Variants in ARHGAP20 observed in about 807,000 individuals in gnomAD.
The protein encoded by ARHGAP20 is Rho GTPase activating protein 20, also known as rho GTPase-activating protein 20.
In ARHGAP20, 34 loss-of-function variants were observed where a neutral mutation model predicts 73.7. The ratio of observed to expected loss-of-function variants is 0.46; its 90% CI spans 0.35 to 0.61. The LOEUF (loss-of-function observed/expected upper bound fraction) is 0.61, where lower values mean the gene tolerates loss of function less well. Among genes scored for constraint, ARHGAP20 ranks in the 20% least tolerant of loss-of-function variants. The pLI is 0.00. For missense variants in ARHGAP20, 1,314 were observed against 1,420.9 expected (o/e 0.92, Z 1.21); for synonymous variants, 523 against 518.2 (o/e 1.01, Z -0.13).
At chr11:110,672,148 A>T (rs2135070430) in intron 2 of ARHGAP20, among the ~76,000 whole-genome samples, 1 of 152,342 alleles carries the variant, frequency 6.6e-6, no homozygotes, top group African/African-American at 2.4e-5. Context: ...TTACAGCTTT[A>T]TAGAAAAAAA....
intron 2 of ARHGAP20, among the ~76,000 whole-genome samples, chr11:110,688,264 G>T (rs1950174766): frequency 6.6e-6 from 1 of 151,920 alleles, no homozygotes. Context: ...CTAGAGGTTA[G>T]TAACACCCCC....
Position 110,649,213 on chromosome 11 carries a change from T to C in ARHGAP20, c.189-18421A>G, listed in dbSNP as rs1591137566. 3.5e-5 allele frequency among the ~76,000 whole-genome samples: 5 copies of C among 142,470 alleles called. No individual in the cohort carries two copies. The South Asian group carries it at 1.2e-3, about 34-fold the overall frequency. The allele number at this position is 142,470 out of a possible 152,430, so 93.5% of individuals were successfully genotyped here. A position where few individuals can be genotyped will look rare whatever the true frequency, so the allele number is the denominator to read the frequency against. On this transcript the variant is annotated intron_variant, in intron 2 of 14. Transcript: ENST00000683387. ...CCAATTATTAAACCTTTTTTTTTTT[T>C]TTTTTTTTTTTGGAGGGGGTCTTGC...
At chr11:110,711,905 G>A (rs1476830881) in intron 1 of ARHGAP20, 8 of 1,269,202 alleles carry the variant, frequency 6.3e-6, no homozygotes, top group Non-Finnish European at 7.9e-6. Flanking sequence ...AGAGACTAAG[G>A]CTCTAGAAAC....
intron 1 of ARHGAP20, among the ~76,000 whole-genome samples, chr11:110,695,299 T>C (rs1950315022): frequency 6.6e-6 from 1 of 151,402 alleles, no homozygotes; most frequent in Admixed American, 6.6e-5. Context: ...TATTAATAGA[T>C]ATGACACCAA....
intron 2 of ARHGAP20, among the ~76,000 whole-genome samples, chr11:110,633,756 G>T (rs1369046102): frequency 6.6e-6 from 1 of 152,168 alleles, no homozygotes; most frequent in East Asian, 1.9e-4. Flanking sequence ...ACAAAGGAGG[G>T]AAAGCCTATT....
At chr11:110,647,059 T>G (rs934715201) in intron 2 of ARHGAP20, among the ~76,000 whole-genome samples, 1 of 152,012 alleles carries the variant, frequency 6.6e-6, no homozygotes, top group African/African-American at 2.4e-5. Context: ...GAATGGAGCT[T>G]TGTAAAAGAA....
chr11:110,677,848 C>T (rs150609441), intron 2 of ARHGAP20, among the ~76,000 whole-genome samples: 114 of 152,072 alleles, frequency 7.5e-4, no homozygotes, highest in African/African-American at 2.5e-3. Context: ...TTAGTGTTAC[C>T]GTAAGACCCA....
At chr11:110,703,288 G>A (rs1023496348) in intron 1 of ARHGAP20, among the ~76,000 whole-genome samples, 4 of 151,956 alleles carry the variant, frequency 2.6e-5, no homozygotes, top group African/African-American at 4.8e-5. Context: ...TCCTCTTTCC[G>A]AAGGACTACT....
chr11:110,577,101 T>G lies in ARHGAP20; in HGVS notation c.*2269A>C. The G allele has an allele frequency of 6.5e-7, 1 of 1,531,320 alleles. No homozygotes were observed. Among genetic ancestry groups the G allele is most frequent in the Non-Finnish European group, 8.7e-7 (1 of 1,144,124 alleles). 94.9% of individuals were successfully genotyped at this position (1,531,320 alleles called of 1,614,324 possible). ...ACAGACAGCATGGACTTCATACATA[T>G]CCATTATCAGTGCCTTGAAAACCAA... On this transcript the variant is annotated 3_prime_UTR_variant, in exon 15 of 15. Transcript: ENST00000683387.
At chr11:110,656,273 G>T (rs947198116) in intron 2 of ARHGAP20, among the ~76,000 whole-genome samples, 2 of 151,974 alleles carry the variant, frequency 1.3e-5, no homozygotes, top group Non-Finnish European at 2.9e-5. Flanking sequence ...TCCTTCTTAG[G>T]CTAAGCCTGT....
intron 1 of ARHGAP20, chr11:110,711,902 A>G (rs1950668028): frequency 8.6e-6 from 11 of 1,275,222 alleles, no homozygotes; most frequent in Non-Finnish European, 1.1e-5. Flanking sequence ...AGGAGAGACT[A>G]AGGCTCTAGA....
chr11:110,634,440 C>T (rs1288932264), intron 2 of ARHGAP20, among the ~76,000 whole-genome samples: 1 of 152,116 alleles, frequency 6.6e-6, no homozygotes, highest in African/African-American at 2.4e-5. Flanking sequence ...CCAAAATATA[C>T]TGCTACTAAG....
At chr11:110,618,342 G>T in intron 4 of ARHGAP20, among the ~76,000 whole-genome samples, 1 of 152,166 alleles carries the variant, frequency 6.6e-6, no homozygotes, top group Non-Finnish European at 1.5e-5. Context: ...GTTTTAATTT[G>T]ATCTATAAAT....
rs1374828820 is a variant in ARHGAP20, at chr11:110,578,665, A to G, written c.*705T>C. On this transcript the variant is annotated 3_prime_UTR_variant, in exon 15 of 15. Coordinates refer to ENST00000683387, the MANE Select transcript of ARHGAP20 (RefSeq NM_001384657.1). The stretch of plus-strand genomic sequence containing the variant: ...TTCTCCTCACAACTCTGTTTCCTGA[A>G]GCCTTGCAAAGCACTTCAACATGAA... 1 of 985,312 alleles carries G rather than the reference A, an allele frequency of 1.0e-6. No individual in the cohort carries two copies. Among genetic ancestry groups the G allele is most frequent in the Non-Finnish European group, 1.2e-6 (1 of 829,950 alleles). 61.0% of individuals were successfully genotyped at this position (985,312 alleles called of 1,614,324 possible). A position where few individuals can be genotyped will look rare whatever the true frequency, so the allele number is the denominator to read the frequency against.
chr11:110,609,341 T>C (rs183678398), intron 7 of ARHGAP20, among the ~76,000 whole-genome samples: 87 of 152,294 alleles, frequency 5.7e-4, no homozygotes, highest in African/African-American at 1.7e-3. Context: ...TCAGAGAATA[T>C]TGGGCTTAAC....
chr11:110,582,332 T>G lies in ARHGAP20; in HGVS notation c.1709A>C (p.Glu570Ala). Reference sequence around the variant, plus strand: ...ATTATTCACAATACCTGAGGCATTCTCTCTAGTGTCACATCTCACTGAAAC... The same window carrying G: ...ATTATTCACAATACCTGAGGCATTCGCTCTAGTGTCACATCTCACTGAAAC... The part of the protein sequence containing the change: ...REVSVRCDTR[E>A]NASDISCFQL... The change falls in exon 14 of 15, where the codon GAG becomes GCG. Residue 570 changes from glutamate (E) to alanine (A), a missense_variant. Coordinates refer to ENST00000683387, the MANE Select transcript of ARHGAP20 (RefSeq NM_001384657.1). The G allele has an allele frequency of 6.2e-7, 1 of 1,607,988 alleles. No homozygotes were observed. Among genetic ancestry groups the G allele is most frequent in the Non-Finnish European group, 8.5e-7 (1 of 1,174,478 alleles).
At chr11:110,656,954 C>T (rs1173435115) in intron 2 of ARHGAP20, among the ~76,000 whole-genome samples, 1 of 152,156 alleles carries the variant, frequency 6.6e-6, no homozygotes, top group Admixed American at 6.6e-5. Context: ...CTCTTCCTCC[C>T]ATGCTCTTCC....
At chr11:110,705,933 T>G (rs1331204849) in intron 1 of ARHGAP20, among the ~76,000 whole-genome samples, 1 of 152,278 alleles carries the variant, frequency 6.6e-6, no homozygotes, top group African/African-American at 2.4e-5. Flanking sequence ...TACATCTGCC[T>G]TATACAAAAC....
At chr11:110,614,323 A>T (rs1161948156) in intron 6 of ARHGAP20, among the ~76,000 whole-genome samples, 1 of 152,166 alleles carries the variant, frequency 6.6e-6, no homozygotes, top group African/African-American at 2.4e-5. Flanking sequence ...AAAGTTTAAT[A>T]CCGTAGTTCA....
Sources: gnomAD v4.1 joint callset for allele counts (sites outside exome capture counted in the v4.1 genomes callset) on GRCh38, gnomAD v4.1.1 for gene constraint, MANE v1.5 for transcripts, NCBI Gene and HGNC (gene_info 2026-07-23, HGNC 2026-07-21) for gene names.